LRRC8C: variants seen among roughly 807,000 people sequenced by gnomAD.
The protein encoded by LRRC8C is volume-regulated anion channel subunit LRRC8C.
In LRRC8C, 20 loss-of-function variants were observed where a neutral mutation model predicts 55.3. The ratio of observed to expected loss-of-function variants is 0.36; its 90% confidence interval spans 0.25 to 0.53. The LOEUF (loss-of-function observed/expected upper bound fraction) is 0.53. LRRC8C is among the 20% of genes least tolerant of loss of function. The probability of loss-of-function intolerance (pLI) is 0.92; values close to 1 mark genes in which losing one functional copy is unlikely to be tolerated. For missense variants in LRRC8C, 659 were observed against 951.4 expected, an observed-to-expected ratio of 0.69 and a Z score of 4.04; for synonymous variants, 376 against 360.7, an observed-to-expected ratio of 1.04 and a Z score of -0.48.
chr1:89,640,330 T>G, intron 1 of LRRC8C, among the ~76,000 whole-genome samples: 1 of 152,256 alleles, frequency 6.6e-6, no homozygotes, highest in East Asian at 1.9e-4. Context: ...CCCAAAGTGC[T>G]GGGATTACAG....
At chr1:89,661,250 C>A in intron 1 of LRRC8C, 1 of 263,546 alleles carries the variant, frequency 3.8e-6, no homozygotes, top group South Asian at 4.8e-5. Flanking sequence ...TGCTGTAATC[C>A]ACAATTACTG....
At chr1:89,623,548 C>T in the LRRC8C span, among the ~76,000 whole-genome samples, 1 of 152,242 alleles carries the variant, frequency 6.6e-6, no homozygotes, top group East Asian at 1.9e-4. Flanking sequence ...CAGTGAAATC[C>T]CGTCTCTACT....
chr1:89,670,825 C>A (rs927397717), intron 1 of LRRC8C, among the ~76,000 whole-genome samples: 2 of 152,124 alleles, frequency 1.3e-5, no homozygotes, highest in Non-Finnish European at 2.9e-5. Flanking sequence ...CATCCCAGGG[C>A]AGTCCCATGC....
intron 1 of LRRC8C, among the ~76,000 whole-genome samples, chr1:89,685,171 T>G (rs977753040): frequency 2.2e-4 from 31 of 139,016 alleles, no homozygotes; most frequent in African/African-American, 7.8e-4. Context: ...GACTGCGGAC[T>G]GCAGTGGCGC....
At chr1:89,643,037 A>T (rs1169448733) in intron 1 of LRRC8C, among the ~76,000 whole-genome samples, 1 of 148,202 alleles carries the variant, frequency 6.7e-6, no homozygotes, top group Non-Finnish European at 1.5e-5. Flanking sequence ...AAAAAAAAAA[A>T]ATAGGTTTAT....
At chr1:89,695,903 A>G (rs1279688656) in intron 2 of LRRC8C, among the ~76,000 whole-genome samples, 1 of 152,202 alleles carries the variant, frequency 6.6e-6, no homozygotes, top group Non-Finnish European at 1.5e-5. Flanking sequence ...TCCATTTTAC[A>G]GTTTTATTGT....
At chr1:89,626,727 C>T in the LRRC8C span, 1 of 152,104 alleles carries the variant, frequency 6.6e-6, no homozygotes, top group South Asian at 2.1e-4. Context: ...ATAGAAGCTT[C>T]TGTATCAGTG....
At chr1:89,616,348 A>G in the LRRC8C span, among the ~76,000 whole-genome samples, 40 of 152,140 alleles carry the variant, frequency 2.6e-4, no homozygotes, top group African/African-American at 9.7e-4. Flanking sequence ...CTACAACTAG[A>G]CAGAGTTAAT....
intron 2 of LRRC8C, among the ~76,000 whole-genome samples, chr1:89,692,031 A>G (rs1658040290): frequency 6.6e-6 from 1 of 152,202 alleles, no homozygotes; most frequent in Admixed American, 6.5e-5. Context: ...CCTAGGATCC[A>G]TATAACAAAT....
intron 2 of LRRC8C, among the ~76,000 whole-genome samples, chr1:89,702,930 C>T (rs114668621): frequency 0.011 from 1,703 of 152,120 alleles, 33 homozygotes; most frequent in African/African-American, 0.038. Flanking sequence ...CTCAGTTTAC[C>T]CAGAGCCCAG....
intron 1 of LRRC8C, 46 bp downstream of exon 1, chr1:89,633,368 G>C (rs925242824): frequency 9.2e-5 from 14 of 152,462 alleles, no homozygotes; most frequent in Non-Finnish European, 2.1e-4. Flanking sequence ...GCAGCCCGCA[G>C]AGGGCCACCC....
At chr1:89,698,167 C>G (rs1298965778) in intron 2 of LRRC8C, among the ~76,000 whole-genome samples, 1 of 152,182 alleles carries the variant, frequency 6.6e-6, no homozygotes, top group Non-Finnish European at 1.5e-5. Flanking sequence ...TTAGGAATCA[C>G]TAGACTGATA....
the LRRC8C span, among the ~76,000 whole-genome samples, chr1:89,627,513 T>C: frequency 6.6e-6 from 1 of 152,148 alleles, no homozygotes; most frequent in Non-Finnish European, 1.5e-5. Context: ...AAGGCACATA[T>C]GGGATATGAG....
At chr1:89,700,467 A>C in intron 2 of LRRC8C, among the ~76,000 whole-genome samples, 1 of 152,218 alleles carries the variant, frequency 6.6e-6, no homozygotes. Context: ...CACAAAACTA[A>C]TTGTGTTTTT....
chr1:89,666,476 C>T (rs181242828), intron 1 of LRRC8C, among the ~76,000 whole-genome samples: 2 of 152,264 alleles, frequency 1.3e-5, no homozygotes, highest in Non-Finnish European at 2.9e-5. Flanking sequence ...TCTTGTCCCA[C>T]TCCTCTCCTT....
intron 1 of LRRC8C, among the ~76,000 whole-genome samples, chr1:89,671,021 T>C (rs982032562): frequency 2.6e-5 from 4 of 152,200 alleles, no homozygotes; most frequent in African/African-American, 9.6e-5. Flanking sequence ...TCCTTGTTTA[T>C]AGATCTGTTA....
At chr1:89,628,689 A>G (rs1656035265), upstream of LRRC8C, among the ~76,000 whole-genome samples, 1 of 152,216 alleles carries the variant, frequency 6.6e-6, no homozygotes, top group Non-Finnish European at 1.5e-5. Flanking sequence ...TGGCCTTTCG[A>G]TATAACATTC....
At chr1:89,620,312 G>A in the LRRC8C span, among the ~76,000 whole-genome samples, 6 of 152,028 alleles carry the variant, frequency 3.9e-5, no homozygotes, top group Admixed American at 2.0e-4. Context: ...ATTTTGAGGG[G>A]ACACAAACAT....
chr1:89,677,481 G>A (rs1472745063), intron 1 of LRRC8C, among the ~76,000 whole-genome samples: 5 of 152,144 alleles, frequency 3.3e-5, no homozygotes, highest in Admixed American at 6.5e-5. Flanking sequence ...TTTGAGTACA[G>A]GAAAAGTTCT....
Sources: gnomAD v4.1 joint callset for allele counts (sites outside exome capture counted in the v4.1 genomes callset) on GRCh38, gnomAD v4.1.1 for gene constraint, MANE v1.5 for transcripts, NCBI Gene and HGNC (gene_info 2026-07-23, HGNC 2026-07-21) for gene names.